ASIC2: variants seen among roughly 807,000 people sequenced by gnomAD.
ASIC2 encodes acid sensing ion channel subunit 2, also known as acid-sensing ion channel 2.
In ASIC2, 25 loss-of-function variants were observed where a neutral mutation model predicts 57.3. That is an observed-to-expected ratio of 0.44 (90% CI 0.32 to 0.61). The LOEUF (loss-of-function observed/expected upper bound fraction) is 0.61. Among genes scored for constraint, ASIC2 ranks in the 20% least tolerant of loss-of-function variants. ASIC2 has a pLI of 0.06. For synonymous variants in ASIC2, 319 were observed against 307.5 expected (o/e 1.04, Z -0.39); for missense variants, 641 against 738.1 (o/e 0.87, Z 1.52).
chr17:33,154,242 G>A (rs2142032792), intron 1 of ASIC2, among the ~76,000 whole-genome samples: 1 of 152,306 alleles, frequency 6.6e-6, no homozygotes, highest in Non-Finnish European at 1.5e-5. Flanking sequence ...GCTATTCACA[G>A]GTGTGATCAT....
At chr17:34,131,460 A>G (rs774557583) in intron 1 of ASIC2, among the ~76,000 whole-genome samples, 6 of 152,154 alleles carry the variant, frequency 3.9e-5, no homozygotes, top group Non-Finnish European at 7.3e-5. Flanking sequence ...GGCCATCAGG[A>G]CCTATAAATA....
At chr17:33,752,784 A>G (rs1211632506) in intron 1 of ASIC2, among the ~76,000 whole-genome samples, 1 of 152,216 alleles carries the variant, frequency 6.6e-6, no homozygotes, top group Non-Finnish European at 1.5e-5. Context: ...CTAAAATCCA[A>G]AACACTGACA....
intron 1 of ASIC2, among the ~76,000 whole-genome samples, chr17:33,136,731 A>G (rs2092368452): frequency 6.6e-6 from 1 of 152,216 alleles, no homozygotes; most frequent in African/African-American, 2.4e-5. Flanking sequence ...TTGAGCTCAT[A>G]TGACCATTGC....
chr17:33,293,375 G>C (rs559816314), upstream of ASIC2, among the ~76,000 whole-genome samples: 1 of 152,300 alleles, frequency 6.6e-6, no homozygotes, highest in South Asian at 2.1e-4. Context: ...CCTCCTCGCT[G>C]CATTTTAATT....
At chr17:33,849,790 G>T (rs1913714736) in intron 1 of ASIC2, among the ~76,000 whole-genome samples, 1 of 152,200 alleles carries the variant, frequency 6.6e-6, no homozygotes, top group Non-Finnish European at 1.5e-5. Context: ...ATGAAAAGGA[G>T]TTTGGACTCC....
intron 1 of ASIC2, among the ~76,000 whole-genome samples, chr17:33,439,216 C>G (rs1911739607): frequency 6.6e-6 from 1 of 152,116 alleles, no homozygotes; most frequent in Admixed American, 6.5e-5. Flanking sequence ...AGACACCTGG[C>G]TGATACCATG....
At chr17:33,531,451 G>T (rs1433949025) in intron 1 of ASIC2, among the ~76,000 whole-genome samples, 1 of 152,180 alleles carries the variant, frequency 6.6e-6, no homozygotes, top group Non-Finnish European at 1.5e-5. Context: ...TTCTTGAGAG[G>T]CGTTCGACCT....
At chr17:33,444,452 T>C (rs377480682) in intron 1 of ASIC2, among the ~76,000 whole-genome samples, 30 of 152,138 alleles carry the variant, frequency 2.0e-4, no homozygotes, top group South Asian at 6.2e-4. Flanking sequence ...TGCAGAGCAG[T>C]GGAGGCAAGA....
chr17:33,958,888 C>T (rs1302051917), intron 1 of ASIC2, among the ~76,000 whole-genome samples: 1 of 152,136 alleles, frequency 6.6e-6, no homozygotes, highest in Admixed American at 6.6e-5. Context: ...TCTGTCACCT[C>T]TCCAGTGCTT....
At chr17:33,229,965 C>T (rs982475028) in intron 1 of ASIC2, among the ~76,000 whole-genome samples, 19 of 152,158 alleles carry the variant, frequency 1.2e-4, no homozygotes, top group African/African-American at 4.6e-4. Context: ...CTTTCCAGAC[C>T]TGAGTTGTCC....
intron 1 of ASIC2, among the ~76,000 whole-genome samples, chr17:33,379,689 A>G (rs1909408955): frequency 6.6e-6 from 1 of 152,190 alleles, no homozygotes; most frequent in Non-Finnish European, 1.5e-5. Context: ...GGTGATCTGC[A>G]TCACCTTTAG....
intron 1 of ASIC2, among the ~76,000 whole-genome samples, chr17:33,696,814 T>C (rs2142066915): frequency 6.6e-6 from 1 of 150,980 alleles, no homozygotes; most frequent in Non-Finnish European, 1.5e-5. Context: ...AGAAAAATCT[T>C]ATTAAGCAAA....
At chr17:33,483,410 C>A (rs2141928648) in intron 1 of ASIC2, among the ~76,000 whole-genome samples, 1 of 152,338 alleles carries the variant, frequency 6.6e-6, no homozygotes, top group South Asian at 2.1e-4. Context: ...TGGGCTCTAT[C>A]CTCAGACAAG....
At chr17:33,810,874 TACAC>T (rs34187408) in intron 1 of ASIC2, among the ~76,000 whole-genome samples, 20 of 150,008 alleles carry the variant, frequency 1.3e-4, no homozygotes, top group South Asian at 4.2e-4. Flanking sequence ...CACACACACA[TACAC>T]ACACACACAC....
At chr17:33,526,635 C>T (rs1914892043) in intron 1 of ASIC2, among the ~76,000 whole-genome samples, 2 of 148,328 alleles carry the variant, frequency 1.3e-5, no homozygotes, top group African/African-American at 5.3e-5. Context: ...GGCCAGGTTG[C>T]CTTTGCTGCC....
At chr17:33,154,103 A>G (rs1406016884) in intron 1 of ASIC2, among the ~76,000 whole-genome samples, 1 of 152,192 alleles carries the variant, frequency 6.6e-6, no homozygotes, top group East Asian at 1.9e-4. Flanking sequence ...CCTGAGATGT[A>G]GGACCAAGAC....
chr17:33,403,812 A>G (rs1159705410), intron 1 of ASIC2, among the ~76,000 whole-genome samples: 9 of 152,226 alleles, frequency 5.9e-5, no homozygotes. Flanking sequence ...CTGGGTGAAC[A>G]GTTTACAGGT....
intron 1 of ASIC2, among the ~76,000 whole-genome samples, chr17:33,755,933 G>T (rs1254868125): frequency 1.3e-5 from 2 of 152,214 alleles, no homozygotes; most frequent in East Asian, 3.9e-4. Context: ...CCTCAACATG[G>T]TGATGGATGA....
At chr17:33,786,893 C>T (rs1328780234) in intron 1 of ASIC2, among the ~76,000 whole-genome samples, 1 of 152,226 alleles carries the variant, frequency 6.6e-6, no homozygotes, top group African/African-American at 2.4e-5. Context: ...AGCTGCAGTA[C>T]ATCATCAAAG....
Sources: gnomAD v4.1 joint callset for allele counts (sites outside exome capture counted in the v4.1 genomes callset) on GRCh38, gnomAD v4.1.1 for gene constraint, MANE v1.5 for transcripts, NCBI Gene and HGNC (gene_info 2026-07-23, HGNC 2026-07-21) for gene names.